Variants in EFCAB6 observed in about 807,000 individuals in gnomAD.
The protein encoded by EFCAB6 is EF-hand calcium-binding domain-containing protein 6.
A neutral mutation model predicts 169.8 loss-of-function variants in EFCAB6; 156 were observed. The observed-to-expected ratio is 0.92, with a 90% CI of 0.81 to 1.05. The LOEUF is 1.05. EFCAB6 is among the 50% of genes least tolerant of loss of function. The pLI, the probability that EFCAB6 is intolerant of heterozygous loss-of-function variation, is 0.00. For synonymous variants in EFCAB6, 698 were observed against 676.4 expected (o/e 1.03, Z -0.50); for missense variants, 1,800 against 1,829.1 (o/e 0.98, Z 0.29).
chr22:43,806,745 C>A (rs1294632168), intron 2 of EFCAB6, among the ~76,000 whole-genome samples: 3 of 152,188 alleles, frequency 2.0e-5, no homozygotes, highest in Non-Finnish European at 1.5e-5. Context: ...GCACCTGGCA[C>A]ACTTCAATTA....
At chr22:43,573,097 C>A (rs567676395) in intron 26 of EFCAB6, among the ~76,000 whole-genome samples, 1 of 152,176 alleles carries the variant, frequency 6.6e-6, no homozygotes, top group Non-Finnish European at 1.5e-5. Context: ...ATCAAATCAG[C>A]ACATCGGGGA....
chr22:43,665,442 G>C (rs1263117693), intron 17 of EFCAB6, among the ~76,000 whole-genome samples: 1 of 152,120 alleles, frequency 6.6e-6, no homozygotes, highest in Non-Finnish European at 1.5e-5. Context: ...GAAAAACCAG[G>C]GGCAGACTAG....
At chr22:43,579,629 AGCATCATTCCATACATATAG>A (rs2050573284) in intron 25 of EFCAB6, among the ~76,000 whole-genome samples, 1 of 117,564 alleles carries the variant, frequency 8.5e-6, no homozygotes, top group South Asian at 2.9e-4. Flanking sequence ...CCTACATGCA[AGCATCATTCCATACATATAG>A]GCATCATTCC....
At chr22:43,768,399 C>A (rs1479771645) in intron 4 of EFCAB6, among the ~76,000 whole-genome samples, 2 of 152,188 alleles carry the variant, frequency 1.3e-5, no homozygotes, top group Non-Finnish European at 2.9e-5. Flanking sequence ...ATCTTTTACT[C>A]ATTTTGTAAG....
chr22:43,736,104 C>G, intron 6 of EFCAB6, 111 bp from the exon 7 acceptor site: 1 of 1,095,186 alleles, frequency 9.1e-7, no homozygotes, highest in Non-Finnish European at 1.2e-6. Context: ...AAAATGTTTT[C>G]AAAGACTCAC....
chr22:43,752,937 G>A (rs1232412615), intron 6 of EFCAB6, among the ~76,000 whole-genome samples: 1 of 152,200 alleles, frequency 6.6e-6, no homozygotes, highest in Non-Finnish European at 1.5e-5. Flanking sequence ...GTGGTGTTCA[G>A]CAAGGAGAAC....
At chr22:43,625,054 T>C (rs569715763) in intron 20 of EFCAB6, among the ~76,000 whole-genome samples, 1 of 152,302 alleles carries the variant, frequency 6.6e-6, no homozygotes, top group South Asian at 2.1e-4. Flanking sequence ...TAGATGATCA[T>C]TTTGCTATCA....
chr22:43,708,064 GA>G (rs919846346), intron 10 of EFCAB6, among the ~76,000 whole-genome samples: 9 of 134,518 alleles, frequency 6.7e-5, no homozygotes, highest in Admixed American at 3.0e-4. Context: ...CAGTGGAAGG[GA>G]AAAAAAAGAG....
intron 2 of EFCAB6, among the ~76,000 whole-genome samples, chr22:43,794,852 T>A (rs2062442576): frequency 6.6e-6 from 1 of 152,208 alleles, no homozygotes; most frequent in South Asian, 2.1e-4. Flanking sequence ...ATTATAAGAA[T>A]GCAAGTTGAT....
At position 43,537,289 on chromosome 22, in the gene EFCAB6, C is replaced by T. The variant is rs750100020; in HGVS notation, c.4048+88G>A. ...CTGTTCTGCTGCTCCCTGGCCTCCACCCGGGGTGTGGCTTTGTACCCAGTG... is the reference window on the plus strand; with the variant it reads ...CTGTTCTGCTGCTCCCTGGCCTCCATCCGGGGTGTGGCTTTGTACCCAGTG... On this transcript the variant is annotated intron_variant, in intron 29 of 31. Coordinates refer to ENST00000262726, the MANE Select transcript of EFCAB6 (RefSeq NM_022785.4). The surrounding 1 kb of genome is among the most constrained non-coding windows in gnomAD (Gnocchi z 4.3). 4 of 1,509,442 alleles carry T rather than the reference C, an allele frequency of 2.6e-6. No homozygotes were observed. The highest frequency in any genetic ancestry group is 2.7e-6 in the Non-Finnish European group (3 of 1,115,512). 93.5% of individuals were successfully genotyped at this position (1,509,442 alleles called of 1,614,324 possible). A position where few individuals can be genotyped will look rare whatever the true frequency, so the allele number is the denominator to read the frequency against.
chr22:43,686,385 A>G (rs2058195508), intron 11 of EFCAB6, among the ~76,000 whole-genome samples: 1 of 152,114 alleles, frequency 6.6e-6, no homozygotes, highest in African/African-American at 2.4e-5. Context: ...GGTTATGATC[A>G]GCTCCCATCA....
At chr22:43,586,434 G>C (rs1452495912) in intron 24 of EFCAB6, among the ~76,000 whole-genome samples, 3 of 132,266 alleles carry the variant, frequency 2.3e-5, no homozygotes, top group Non-Finnish European at 4.6e-5. Flanking sequence ...TTGCAGCCTT[G>C]AATTCCTGGG....
chr22:43,619,391 TA>T (rs1233692951), intron 20 of EFCAB6, among the ~76,000 whole-genome samples: 1 of 152,098 alleles, frequency 6.6e-6, no homozygotes, highest in African/African-American at 2.4e-5. Flanking sequence ...AGTGTCATAA[TA>T]AAACACTTAA....
intron 8 of EFCAB6, among the ~76,000 whole-genome samples, chr22:43,729,188 A>G (rs2059847815): frequency 6.6e-6 from 1 of 152,210 alleles, no homozygotes; most frequent in African/African-American, 2.4e-5. Context: ...GCACCAAGCT[A>G]TTTATGAGGA....
intron 10 of EFCAB6, among the ~76,000 whole-genome samples, chr22:43,697,373 C>T (rs150512932): frequency 5.9e-5 from 9 of 152,242 alleles, no homozygotes; most frequent in African/African-American, 2.2e-4. Context: ...GTAATCTATA[C>T]CTCATATGGT....
chr22:43,544,013 G>A (rs558258130), intron 27 of EFCAB6, among the ~76,000 whole-genome samples: 5 of 151,296 alleles, frequency 3.3e-5, no homozygotes, highest in Admixed American at 2.6e-4. Flanking sequence ...CCTTCATCCT[G>A]CCCAGCCCTC....
At chr22:43,531,703 G>T in intron 30 of EFCAB6, among the ~76,000 whole-genome samples, 1 of 152,086 alleles carries the variant, frequency 6.6e-6, no homozygotes, top group Middle Eastern at 3.2e-3. Flanking sequence ...TGGCACGTAT[G>T]ATGTGTGCTC....
intron 8 of EFCAB6, among the ~76,000 whole-genome samples, chr22:43,731,385 C>A (rs957539805): frequency 6.6e-6 from 1 of 152,164 alleles, no homozygotes; most frequent in Non-Finnish European, 1.5e-5. Context: ...CACTTAAGGA[C>A]AACCTGAGTA....
chr22:43,573,460 C>A (rs1214846520), intron 26 of EFCAB6, among the ~76,000 whole-genome samples: 1 of 9,074 alleles, frequency 1.1e-4, no homozygotes, highest in Non-Finnish European at 1.9e-4. Context: ...GGGCTGGGCA[C>A]GGTGGCTTAT....
Sources: allele counts gnomAD v4.1 joint callset (sites outside exome capture counted in the v4.1 genomes callset), GRCh38; gene constraint gnomAD v4.1.1; non-coding constraint Gnocchi (gnomAD v3.1); transcripts MANE v1.5; gene names NCBI Gene and HGNC (gene_info 2026-07-23, HGNC 2026-07-21).